DCLK1: variants seen among roughly 807,000 people sequenced by gnomAD.
The protein encoded by DCLK1 is doublecortin like kinase 1.
DCLK1 carries 16 observed loss-of-function variants against 86.2 expected under a neutral mutation model. The ratio of observed to expected loss-of-function variants is 0.19; its 90% CI spans 0.13 to 0.28. The LOEUF is 0.28. DCLK1 is among the 10% of genes least tolerant of loss of function. DCLK1 has a pLI of 1.00. For missense variants in DCLK1, 590 were observed against 940.2 expected (o/e 0.63, Z 4.87); for synonymous variants, 369 against 370.5 (o/e 1.00, Z 0.05).
chr13:35,827,902 T>C lies in DCLK1; in HGVS notation c.1288-148A>G, dbSNP rs578209555. The C allele has an allele frequency of 7.3e-5, 75 of 1,029,882 alleles. No homozygotes were observed. The African/African-American group carries it at 8.8e-4, about 12-fold the overall frequency. The allele number at this position is 1,029,882 out of a possible 1,614,324, so 63.8% of individuals were successfully genotyped here. A position where few individuals can be genotyped will look rare whatever the true frequency, so the allele number is the denominator to read the frequency against. On this transcript the variant is annotated intron_variant, in intron 9 of 16. Transcript: ENST00000360631. ...TGTCTTATATTCTGATATTCAGATA[T>C]AGCCTAGAATTGCCAATAGATATGG...
At position 35,809,020 on chromosome 13, in the gene DCLK1, A is replaced by G. The variant is rs778006502; in HGVS notation, c.1764T>C (p.Arg588=). The G allele has an allele frequency of 3.7e-6, 6 of 1,611,118 alleles. No individual in the cohort carries two copies. The Admixed American group carries it at 8.3e-5, about 22-fold the overall frequency. ...GAATAAAAGATTGTTGCCCATACCC[A>G]CGGAATGGAGGGAAACCACACAGCA... ...YILLCGFPPF[R]GSGDDQEVLF... is the part of the protein sequence containing the mutation. Residue 588 remains arginine, a splice_region_variant and synonymous_variant, in exon 13 of 17, where the codon CGT becomes CGC. Transcript: ENST00000360631.
intron 4 of DCLK1, among the ~76,000 whole-genome samples, chr13:35,934,481 G>A (rs571707016): frequency 6.6e-6 from 1 of 152,336 alleles, no homozygotes; most frequent in African/African-American, 2.4e-5. Flanking sequence ...AGCAAGTAAT[G>A]TCTTACATGG....
At chr13:35,847,017 G>T (rs926814682) in intron 6 of DCLK1, 1 of 984,946 alleles carries the variant, frequency 1.0e-6, no homozygotes, top group African/African-American at 1.7e-5. Flanking sequence ...ATCTGCAACT[G>T]TATCAATGTT....
At chr13:35,873,539 C>T (rs1383194409) in intron 4 of DCLK1, among the ~76,000 whole-genome samples, 55 of 151,912 alleles carry the variant, frequency 3.6e-4, no homozygotes, top group Admixed American at 3.5e-3. Flanking sequence ...GTGCCCACCA[C>T]CATGCCTGGC....
intron 5 of DCLK1, among the ~76,000 whole-genome samples, chr13:35,869,526 G>T (rs192240396): frequency 8.5e-5 from 13 of 152,300 alleles, no homozygotes; most frequent in Non-Finnish European, 1.5e-4. Context: ...AAACAGGGAG[G>T]TAGAAAGGAA....
At chr13:35,849,468 TAAAC>T in intron 6 of DCLK1, 5 of 985,346 alleles carry the variant, frequency 5.1e-6, no homozygotes, top group Non-Finnish European at 4.8e-6. Context: ...TCACAAGTCT[TAAAC>T]TGTTAGTGTT....
chr13:35,932,618 T>C (rs1472922423), intron 4 of DCLK1, among the ~76,000 whole-genome samples: 2 of 152,070 alleles, frequency 1.3e-5, no homozygotes, highest in Admixed American at 1.3e-4. Context: ...GTGAGGAAGA[T>C]GCAAAAGTGG....
chr13:36,086,452 C>CTTT (rs66864823), intron 3 of DCLK1, among the ~76,000 whole-genome samples: 22,079 of 140,784 alleles, frequency 0.16, 1,947 homozygotes, highest in Non-Finnish European at 0.21. Context: ...TCCTCAACAG[C>CTTT]TTTTTTTTTT....
At chr13:35,954,372 G>A (rs576804140) in intron 3 of DCLK1, among the ~76,000 whole-genome samples, 1 of 152,184 alleles carries the variant, frequency 6.6e-6, no homozygotes, top group East Asian at 1.9e-4. Context: ...ATTGAGAGGA[G>A]GTTCCTCTTC....
chr13:35,909,631 G>A (rs866944822), intron 4 of DCLK1, among the ~76,000 whole-genome samples: 1 of 41,268 alleles, frequency 2.4e-5, no homozygotes, highest in Non-Finnish European at 6.5e-5. Context: ...GTGTGTGTGT[G>A]TGTGTGTGTA....
chr13:36,098,482 C>A (rs978830163), intron 3 of DCLK1, among the ~76,000 whole-genome samples: 1 of 152,162 alleles, frequency 6.6e-6, no homozygotes, highest in Non-Finnish European at 1.5e-5. Context: ...CACACTGGTC[C>A]TTCCAGGTGA....
Position 35,962,025 on chromosome 13 carries a change from C to T in DCLK1, c.724-14568G>A, listed in dbSNP as rs1327881650. On this transcript the variant is annotated intron_variant, in intron 3 of 16. Coordinates refer to ENST00000360631, the MANE Select transcript of DCLK1 (RefSeq NM_001330071.2). ...GAAATTATTTGTAGTGTTATACTGC[C>T]CTTCAGTGTCCAAACACATGTACTG... 2.6e-5 allele frequency among the ~76,000 whole-genome samples: 4 copies of T among 152,104 alleles called. No homozygotes were observed. The East Asian group carries it at 7.7e-4, about 29-fold the overall frequency.
At chr13:35,800,057 C>G (rs1195536399) in intron 15 of DCLK1, among the ~76,000 whole-genome samples, 1 of 152,190 alleles carries the variant, frequency 6.6e-6, no homozygotes, top group Non-Finnish European at 1.5e-5. Context: ...TATTATCTAT[C>G]TGGATCTGTG....
rs142687701 is a variant in DCLK1, at chr13:35,834,846, C to T, written c.1229+1187G>A. ...CTGTCCCTGTTGGGAATATCCTAGCCTTGCTGAAGTGTTGGAGTAGAACAA... is the reference window on the plus strand; with the variant it reads ...CTGTCCCTGTTGGGAATATCCTAGCTTTGCTGAAGTGTTGGAGTAGAACAA... On this transcript the variant is annotated intron_variant, in intron 8 of 16. Coordinates refer to ENST00000360631, the MANE Select transcript of DCLK1 (RefSeq NM_001330071.2). Among the ~76,000 whole-genome samples, 1,475 of 152,272 alleles carry T rather than the reference C, an allele frequency of 9.7e-3. 31 individuals carry two copies. Among genetic ancestry groups the T allele is most frequent in the African/African-American group, 0.033 (1,389 of 41,552 alleles).
intron 4 of DCLK1, among the ~76,000 whole-genome samples, chr13:35,946,416 A>G (rs1877383718): frequency 6.6e-6 from 1 of 152,232 alleles, no homozygotes; most frequent in Non-Finnish European, 1.5e-5. Context: ...GCAGTGTTGG[A>G]GTGAGACCAC....
At chr13:35,947,320 T>A (rs1337240218) in intron 4 of DCLK1, 38 bp downstream of exon 4, 1 of 1,580,620 alleles carries the variant, frequency 6.3e-7, no homozygotes, top group Admixed American at 1.7e-5. Flanking sequence ...GAAAGCTGCC[T>A]CAAATTTCCC....
At chr13:35,996,956 T>C (rs1476815957) in intron 3 of DCLK1, among the ~76,000 whole-genome samples, 2 of 152,238 alleles carry the variant, frequency 1.3e-5, no homozygotes, top group Admixed American at 6.5e-5. Context: ...GTGTTATTTA[T>C]TTTACATGCA....
intron 3 of DCLK1, among the ~76,000 whole-genome samples, chr13:36,000,434 G>A (rs1049022778): frequency 6.6e-6 from 1 of 152,170 alleles, no homozygotes; most frequent in African/African-American, 2.4e-5. Flanking sequence ...GGCATTGCAG[G>A]TGACAAGCTT....
intron 3 of DCLK1, among the ~76,000 whole-genome samples, chr13:36,053,721 G>A (rs1284350879): frequency 6.6e-6 from 1 of 152,014 alleles, no homozygotes; most frequent in Non-Finnish European, 1.5e-5. Flanking sequence ...CGGGTGGGGG[G>A]CAGGTTTCTA....
Sources: allele counts gnomAD v4.1 joint callset (sites outside exome capture counted in the v4.1 genomes callset), GRCh38; gene constraint gnomAD v4.1.1; transcripts MANE v1.5; gene names NCBI Gene and HGNC (gene_info 2026-07-23, HGNC 2026-07-21).